The following DLGAP2 variants were observed in gnomAD, a reference collection of about 807,000 sequenced individuals.
DLGAP2 encodes the protein DLG associated protein 2.
Under a neutral mutation model 100.3 loss-of-function variants are expected in DLGAP2, and 26 were observed. The observed-to-expected ratio is 0.26, with a 90% CI of 0.19 to 0.36. The LOEUF (loss-of-function observed/expected upper bound fraction) is 0.36, where lower values mean the gene tolerates loss of function less well. Ranked by LOEUF, DLGAP2 falls within the 10% of genes least tolerant of loss-of-function variation. The probability of loss-of-function intolerance (pLI) is 1.00; values close to 1 mark genes in which losing one functional copy is unlikely to be tolerated. For synonymous variants in DLGAP2, 886 were observed against 630.1 expected, an observed-to-expected ratio of 1.41 and a Z score of -6.08; for missense variants, 1,858 against 1,453.2, an observed-to-expected ratio of 1.28 and a Z score of -4.53.
intron 8 of DLGAP2, among the ~76,000 whole-genome samples, chr8:1,658,672 G>T (rs1043210245): frequency 9.9e-5 from 15 of 152,146 alleles, no homozygotes; most frequent in South Asian, 4.1e-4. Context: ...TTGTATTTCT[G>T]TGGGATCAGT....
chr8:811,115 G>GT (rs1796362136), intron 1 of DLGAP2, among the ~76,000 whole-genome samples: 1 of 152,218 alleles, frequency 6.6e-6, no homozygotes, highest in Admixed American at 6.5e-5. Flanking sequence ...GACCTGCCTG[G>GT]TGCAGCCTGG....
chr8:1,236,183 A>G (rs1369985862), intron 2 of DLGAP2, among the ~76,000 whole-genome samples: 3 of 113,934 alleles, frequency 2.6e-5, no homozygotes, highest in African/African-American at 1.1e-4. Context: ...TCTCTCTCAC[A>G]CAGAGCATCG....
intron 2 of DLGAP2, among the ~76,000 whole-genome samples, chr8:1,212,277 T>G (rs1798121485): frequency 6.6e-6 from 1 of 152,222 alleles, no homozygotes; most frequent in African/African-American, 2.4e-5. Flanking sequence ...GGGATTGGAC[T>G]TGGAGCTGCT....
intron 1 of DLGAP2, among the ~76,000 whole-genome samples, chr8:872,514 T>G (rs2128991851): frequency 6.6e-6 from 1 of 152,114 alleles, no homozygotes; most frequent in African/African-American, 2.4e-5. Flanking sequence ...TGTATTTTAG[T>G]AGAGATGGGG....
At chr8:1,367,743 C>T (rs987272642) in intron 3 of DLGAP2, among the ~76,000 whole-genome samples, 5 of 152,162 alleles carry the variant, frequency 3.3e-5, no homozygotes, top group Admixed American at 2.6e-4. Flanking sequence ...TATTGCAGCA[C>T]GTCCTTCACT....
intron 2 of DLGAP2, among the ~76,000 whole-genome samples, chr8:1,009,170 C>A (rs562279127): frequency 3.3e-5 from 5 of 152,322 alleles, no homozygotes; most frequent in Admixed American, 6.5e-5. Flanking sequence ...CTCCTGCTTT[C>A]CAATCTCCTA....
intron 3 of DLGAP2, chr8:1,381,254 C>G (rs1166439177): frequency 6.6e-6 from 1 of 152,050 alleles, no homozygotes; most frequent in Non-Finnish European, 1.5e-5. Context: ...CATGTGTGCC[C>G]ATGAAAACAA....
At chr8:871,535 T>A (rs1001944338) in intron 1 of DLGAP2, among the ~76,000 whole-genome samples, 51 of 152,198 alleles carry the variant, frequency 3.4e-4, no homozygotes, top group African/African-American at 1.1e-3. Flanking sequence ...ATTATCCAGG[T>A]TTAGCATCCT....
At chr8:1,250,130 C>T (rs760338072) in intron 2 of DLGAP2, among the ~76,000 whole-genome samples, 5 of 152,202 alleles carry the variant, frequency 3.3e-5, no homozygotes, top group South Asian at 2.1e-4. Flanking sequence ...CTGCCTGCCT[C>T]AGCCTCCCAC....
At chr8:1,321,365 A>G (rs998138022) in intron 3 of DLGAP2, among the ~76,000 whole-genome samples, 3 of 146,502 alleles carry the variant, frequency 2.0e-5, no homozygotes, top group African/African-American at 5.1e-5. Context: ...CATCCGTACC[A>G]TGTGCGTGCA....
intron 1 of DLGAP2, among the ~76,000 whole-genome samples, chr8:815,570 T>G (rs1432073136): frequency 6.6e-6 from 1 of 152,220 alleles, no homozygotes; most frequent in Non-Finnish European, 1.5e-5. Flanking sequence ...CTGTAAAATT[T>G]CACTGTGTCC....
At chr8:857,523 A>T (rs1797302304) in intron 1 of DLGAP2, among the ~76,000 whole-genome samples, 1 of 152,228 alleles carries the variant, frequency 6.6e-6, no homozygotes, top group African/African-American at 2.4e-5. Flanking sequence ...TGTGTAAAAG[A>T]TCTTAACAGA....
intron 2 of DLGAP2, among the ~76,000 whole-genome samples, chr8:916,417 A>C (rs547657866): frequency 6.6e-6 from 1 of 152,322 alleles, no homozygotes; most frequent in South Asian, 2.1e-4. Context: ...CTCAGCAACT[A>C]TTGCAAGGAC....
chr8:1,215,449 T>G lies in DLGAP2; in HGVS notation c.74-43402T>G, dbSNP rs919536960. Among the ~76,000 whole-genome samples the G allele has an allele frequency of 2.7e-5, 4 of 146,818 alleles. No homozygotes were observed. In the East Asian group the frequency reaches 8.2e-4, roughly 30 times the overall value. On this transcript the variant is annotated intron_variant, in intron 2 of 14. Coordinates refer to ENST00000637795, the MANE Select transcript of DLGAP2 (RefSeq NM_001346810.2). ...CGTCCAGGTACCTGGATGGGTTCAT[T>G]TGGGTGCATCACCTGGAGACGTCCA... is the stretch of plus-strand genomic sequence containing the variant.
chr8:1,368,913 A>G (rs1802172481), intron 3 of DLGAP2: 1 of 152,178 alleles, frequency 6.6e-6, no homozygotes, highest in Admixed American at 6.5e-5. Context: ...TCTTCCTGTA[A>G]TACAGCATCC....
At chr8:1,273,482 A>C (rs773574194) in intron 3 of DLGAP2, among the ~76,000 whole-genome samples, 1 of 152,176 alleles carries the variant, frequency 6.6e-6, no homozygotes, top group Non-Finnish European at 1.5e-5. Context: ...TATGCTCAAG[A>C]TGGATGACCA....
At chr8:1,380,571 G>A (rs979105634) in intron 3 of DLGAP2, among the ~76,000 whole-genome samples, 6 of 152,106 alleles carry the variant, frequency 3.9e-5, no homozygotes, top group African/African-American at 1.4e-4. Context: ...TGGTTACAAA[G>A]CGACGTGAAT....
intron 3 of DLGAP2, among the ~76,000 whole-genome samples, chr8:1,375,462 C>T (rs1585313488): frequency 6.6e-5 from 1 of 15,120 alleles, no homozygotes; most frequent in Non-Finnish European, 1.2e-4. Context: ...CACCTCTCCA[C>T]GGCCTCAGAA....
intron 2 of DLGAP2, among the ~76,000 whole-genome samples, chr8:1,193,638 C>G (rs576178707): frequency 3.0e-4 from 46 of 152,288 alleles, no homozygotes; most frequent in African/African-American, 1.0e-3. Context: ...ACTTAGGTTG[C>G]TTCCCTGGCA....
Sources: gnomAD v4.1 joint callset for allele counts (sites outside exome capture counted in the v4.1 genomes callset) on GRCh38, gnomAD v4.1.1 for gene constraint, MANE v1.5 for transcripts, NCBI Gene and HGNC (gene_info 2026-07-23, HGNC 2026-07-21) for gene names.